Variants in CELF2 observed in about 807,000 individuals in gnomAD.
The protein encoded by CELF2 is CUG triplet repeat RNA-binding protein 2.
In CELF2, 8 loss-of-function variants were observed where a neutral mutation model predicts 62.6. The observed-to-expected ratio is 0.13, with a 90% CI of 0.07 to 0.23. CELF2 has a LOEUF of 0.23. CELF2 is among the 10% of genes least tolerant of loss of function. CELF2 has a pLI of 1.00. For missense variants in CELF2, 333 were observed against 671.0 expected, an observed-to-expected ratio of 0.50 and a Z score of 5.56; for synonymous variants, 258 against 250.0, an observed-to-expected ratio of 1.03 and a Z score of -0.30.
At chr10:10,725,421 G>A in the CELF2 span, among the ~76,000 whole-genome samples, 4 of 152,154 alleles carry the variant, frequency 2.6e-5, no homozygotes, top group South Asian at 6.2e-4. Context: ...TGTGACGGGT[G>A]AAGAACAAAA....
chr10:11,044,094 C>T (rs761060933), intron 1 of CELF2, among the ~76,000 whole-genome samples: 4 of 152,178 alleles, frequency 2.6e-5, no homozygotes, highest in Non-Finnish European at 4.4e-5. Flanking sequence ...TCTACTTAGT[C>T]GCCTCATCCA....
chr10:11,043,984 C>T (rs541821825), intron 1 of CELF2, among the ~76,000 whole-genome samples: 1 of 152,352 alleles, frequency 6.6e-6, no homozygotes, highest in Admixed American at 6.5e-5. Flanking sequence ...ACGCTGCCAG[C>T]ACACCCTCTT....
rs2083434113 is a variant in CELF2, at chr10:11,270,456, C to T, written c.619-210C>T. Among the ~76,000 whole-genome samples the T allele has an allele frequency of 6.6e-6, 1 of 152,196 alleles. No homozygotes were observed. The stretch of plus-strand genomic sequence containing the variant: ...GAAAGCAAGTGACTTCACCGACCAC[C>T]AGATCCCCCAAAGAAACCACTGGCA... On this transcript the variant is annotated intron_variant, in intron 6 of 12. Transcript: ENST00000633077. This position sits in a 1 kb window ranked among gnomAD's most constrained non-coding sequence, Gnocchi z 5.8.
intron 1 of CELF2, among the ~76,000 whole-genome samples, chr10:11,025,154 T>C (rs10905884): frequency 0.74 from 111,722 of 151,500 alleles, 44,858 homozygotes; most frequent in East Asian, 0.9. Flanking sequence ...TATTTTGTCA[T>C]TTACTTGAAT....
At chr10:10,812,395 T>A (rs536586300) in intron 1 of CELF2, among the ~76,000 whole-genome samples, 1 of 152,148 alleles carries the variant, frequency 6.6e-6, no homozygotes, top group Non-Finnish European at 1.5e-5. Context: ...GAAGCTACAA[T>A]TGAAGATGAG....
rs2050497142 is a variant in CELF2 at position 11,098,350 on chromosome 10, C to A, written c.75-67136C>A. 1 of 152,250 alleles carries A rather than the reference C, an allele frequency of 6.6e-6. No homozygotes were observed. Among genetic ancestry groups the A allele is most frequent in the Admixed American group, 6.5e-5 (1 of 15,288 alleles). 9.4% of individuals were successfully genotyped at this position (152,250 alleles called of 1,614,324 possible). The stretch of plus-strand genomic sequence containing the variant: ...CTCTGGTTCAGCAGAGAGCAGTAGA[C>A]CCTGTCTCCAAGCCGTGGCAAGTGT... On this transcript the variant is annotated intron_variant, in intron 1 of 12. Transcript: ENST00000633077. This position sits in a 1 kb window ranked among gnomAD's most constrained non-coding sequence, Gnocchi z 4.0.
the CELF2 span, among the ~76,000 whole-genome samples, chr10:10,725,249 A>C: frequency 2.0e-5 from 3 of 152,234 alleles, no homozygotes; most frequent in Admixed American, 6.5e-5. Context: ...ATATAACTAC[A>C]TCAGTAAATG....
In CELF2 at chr10:11,325,588, G is replaced by T. The variant is rs557646177; in HGVS notation, c.1295-248G>T. Among the ~76,000 whole-genome samples, 4 of 152,344 alleles carry T rather than the reference G, an allele frequency of 2.6e-5. No individual in the cohort carries two copies. In the South Asian group the frequency reaches 8.3e-4, roughly 32 times the overall value. ...ACTGAAATGCATATGCCAAGGGGCAGTGGCACCTGTGACTCACAGAAGACT... is the reference window on the plus strand; with the variant it reads ...ACTGAAATGCATATGCCAAGGGGCATTGGCACCTGTGACTCACAGAAGACT... On this transcript the variant is annotated intron_variant, in intron 11 of 12. Transcript: ENST00000633077.
chr10:10,523,519 T>C, the CELF2 span, among the ~76,000 whole-genome samples: 2 of 152,184 alleles, frequency 1.3e-5, no homozygotes, highest in African/African-American at 4.8e-5. Context: ...TGGTGAAACC[T>C]TGTAAGCTTG....
intron 2 of CELF2, among the ~76,000 whole-genome samples, chr10:11,205,041 T>C (rs2060124181): frequency 6.6e-6 from 1 of 152,226 alleles, no homozygotes; most frequent in Non-Finnish European, 1.5e-5. Flanking sequence ...TGTTGTACCC[T>C]GAATAAGAAA....
rs537816764 is a variant in CELF2 at position 11,314,490 on chromosome 10, G to A, written c.1096+232G>A. 1.1e-4 allele frequency: 64 copies of A among 588,574 alleles called. No individual in the cohort carries two copies. The highest frequency in any genetic ancestry group is 8.8e-4 in the East Asian group (27 of 30,792). 36.5% of individuals were successfully genotyped at this position (588,574 alleles called of 1,614,324 possible). ...TTCTCTTCAGTGTGTAGCACAGCGC[G>A]TGTGCTCATCCATGGGGTTCTGTGG... On this transcript the variant is annotated intron_variant, in intron 10 of 12. Transcript: ENST00000633077. This position sits in a 1 kb window ranked among gnomAD's most constrained non-coding sequence, Gnocchi z 5.3.
At chr10:11,120,817 G>T (rs1305527833) in intron 1 of CELF2, among the ~76,000 whole-genome samples, 1 of 152,196 alleles carries the variant, frequency 6.6e-6, no homozygotes, top group African/African-American at 2.4e-5. Context: ...AAGGACCATA[G>T]TGAGACTTAC....
intron 1 of CELF2, among the ~76,000 whole-genome samples, chr10:11,106,215 A>ATTTG (rs757734316): frequency 1.0e-5 from 1 of 98,404 alleles, no homozygotes; most frequent in African/African-American, 3.3e-5. Context: ...TATTTTATTT[A>ATTTG]TTTATTTATT....
At chr10:10,884,172 G>A (rs2061610571) in intron 1 of CELF2, among the ~76,000 whole-genome samples, 1 of 152,200 alleles carries the variant, frequency 6.6e-6, no homozygotes, top group Admixed American at 6.5e-5. Context: ...ACAGCCAAGA[G>A]TGAGTAAACG....
At chr10:11,027,399 T>A (rs537977722) in intron 1 of CELF2, among the ~76,000 whole-genome samples, 81 of 152,280 alleles carry the variant, frequency 5.3e-4, no homozygotes, top group African/African-American at 1.9e-3. Flanking sequence ...GGAATGCATT[T>A]TTACTTCTGG....
intron 2 of CELF2, among the ~76,000 whole-genome samples, chr10:11,180,738 A>G (rs1245227332): frequency 6.6e-6 from 1 of 152,236 alleles, no homozygotes; most frequent in African/African-American, 2.4e-5. Context: ...TTATCTTGTT[A>G]AAATGTGTCC....
At chr10:10,913,885 AGAAG>A (rs1227341337) in intron 1 of CELF2, among the ~76,000 whole-genome samples, 2,765 of 27,834 alleles carry the variant, frequency 0.099, 126 homozygotes, top group African/African-American at 0.2. Context: ...GAAGGAAGGA[AGAAG>A]GAAGGGAGGG....
the CELF2 span, among the ~76,000 whole-genome samples, chr10:10,708,758 A>G: frequency 6.6e-6 from 1 of 152,160 alleles, no homozygotes; most frequent in Admixed American, 6.6e-5. Context: ...ACATACATAT[A>G]CGATTGAAAT....
chr10:10,867,247 C>T (rs2060447497), intron 1 of CELF2, among the ~76,000 whole-genome samples: 1 of 152,162 alleles, frequency 6.6e-6, no homozygotes, highest in South Asian at 2.1e-4. Context: ...ACAGTGGGCT[C>T]CCCCAGGTGG....
Sources: allele counts gnomAD v4.1 joint callset (sites outside exome capture counted in the v4.1 genomes callset), GRCh38; gene constraint gnomAD v4.1.1; non-coding constraint Gnocchi (gnomAD v3.1); transcripts MANE v1.5; gene names NCBI Gene and HGNC (gene_info 2026-07-23, HGNC 2026-07-21).